The following WDR11 variants were observed in gnomAD, a reference collection of about 807,000 sequenced individuals.
The protein encoded by WDR11 is WD repeat-containing protein 11.
Under a neutral mutation model 151.2 loss-of-function variants are expected in WDR11, and 83 were observed. The observed-to-expected ratio is 0.55, with a 90% CI of 0.46 to 0.66. The LOEUF (loss-of-function observed/expected upper bound fraction) is 0.66. Among genes scored for constraint, WDR11 ranks in the 30% least tolerant of loss-of-function variants. The probability of loss-of-function intolerance (pLI) is 0.00; values close to 1 mark genes in which losing one functional copy is unlikely to be tolerated. For missense variants in WDR11, 1,301 were observed against 1,480.9 expected (o/e 0.88, Z 1.99); for synonymous variants, 484 against 533.1 (o/e 0.91, Z 1.27).
intron 2 of WDR11, among the ~76,000 whole-genome samples, chr10:120,856,452 G>A (rs1845948260): frequency 6.6e-6 from 1 of 151,658 alleles, no homozygotes; most frequent in Non-Finnish European, 1.5e-5. Flanking sequence ...GTACACACCT[G>A]TAATCCCAGC....
At chr10:120,874,187 TTTTTTG>T (rs1372606772) in intron 11 of WDR11, among the ~76,000 whole-genome samples, 730 of 59,372 alleles carry the variant, frequency 0.012, 10 homozygotes, top group Middle Eastern at 0.037. Context: ...TTTTTTTTTT[TTTTTTG>T]TTGTTGTTGT....
At chr10:120,902,604 A>G (rs1387679334) in intron 22 of WDR11, among the ~76,000 whole-genome samples, 1 of 151,420 alleles carries the variant, frequency 6.6e-6, no homozygotes, top group East Asian at 1.9e-4. Flanking sequence ...AAATATACCA[A>G]TAAATTATAT....
intron 5 of WDR11, among the ~76,000 whole-genome samples, 185 bp downstream of exon 5, chr10:120,863,106 T>C (rs1846194817): frequency 6.6e-6 from 1 of 152,212 alleles, no homozygotes; most frequent in African/African-American, 2.4e-5. Context: ...GCATTTAACA[T>C]TGCCTTTGTT....
chr10:120,857,335 C>T (rs1845983177), intron 2 of WDR11, among the ~76,000 whole-genome samples: 3 of 152,140 alleles, frequency 2.0e-5, no homozygotes, highest in Non-Finnish European at 2.9e-5. Flanking sequence ...CACCATTCTG[C>T]ACTTGTCCAC....
intron 2 of WDR11, among the ~76,000 whole-genome samples, chr10:120,855,888 A>G (rs998790174): frequency 2.6e-5 from 4 of 152,152 alleles, no homozygotes; most frequent in Non-Finnish European, 4.4e-5. Flanking sequence ...CTCTACTACA[A>G]TGAATGGGAG....
Position 120,866,778 on chromosome 10 carries a change from C to T in WDR11, c.1190+14C>T, listed in dbSNP as rs755116462. On this transcript the variant is annotated intron_variant, in intron 8 of 28. Transcript: ENST00000263461. ...TTCACGGAACAGGTAAATGAATCAACAGGATCATGGTTTTGTTTTTTGTTT... is the reference window on the plus strand; with the variant it reads ...TTCACGGAACAGGTAAATGAATCAATAGGATCATGGTTTTGTTTTTTGTTT... 54 of 1,613,854 alleles carry T rather than the reference C, an allele frequency of 3.3e-5. No individual in the cohort carries two copies. Among genetic ancestry groups the T allele is most frequent in the Non-Finnish European group, 8.5e-6 (10 of 1,179,916 alleles).
At chr10:120,866,785 A>G (rs1470775124) in intron 8 of WDR11, 21 bp downstream of exon 8, 1 of 1,613,592 alleles carries the variant, frequency 6.2e-7, no homozygotes, top group Non-Finnish European at 8.5e-7. Context: ...CAACAGGATC[A>G]TGGTTTTGTT....
At chr10:120,884,659 T>C (rs932581927) in intron 14 of WDR11, among the ~76,000 whole-genome samples, 1 of 151,988 alleles carries the variant, frequency 6.6e-6, no homozygotes, top group Non-Finnish European at 1.5e-5. Flanking sequence ...TGCTTTTTGT[T>C]TGATGAAGAT....
chr10:120,855,971 G>A (rs997205300), intron 2 of WDR11: 2 of 152,188 alleles, frequency 1.3e-5, no homozygotes, highest in East Asian at 1.9e-4. Flanking sequence ...CAAGTCTGAT[G>A]TAAGGTATAG....
intron 2 of WDR11, among the ~76,000 whole-genome samples, chr10:120,857,676 T>C (rs1319060856): frequency 6.6e-6 from 1 of 152,218 alleles, no homozygotes; most frequent in Non-Finnish European, 1.5e-5. Context: ...TTGGTTGGCT[T>C]ACTTTCCTAC....
intron 13 of WDR11, among the ~76,000 whole-genome samples, chr10:120,882,207 A>C (rs1326567707): frequency 6.6e-6 from 1 of 152,070 alleles, no homozygotes; most frequent in Non-Finnish European, 1.5e-5. Flanking sequence ...ACATTCCCGG[A>C]ATAAACTCTA....
rs143300008 is a variant in WDR11, at chr10:120,886,776, A to G, written c.2061A>G (p.Gln687=). Residue 687 remains glutamine (Q), a synonymous_variant, in exon 16 of 29, where the codon CAA becomes CAG. Transcript: ENST00000263461. ...EHFVFTDIDG[Q]VYHLTVEGNS... ...TTGTATTTACCGATATTGATGGCCA[A>G]GTGTATCATCTCACTGTTGAAGGAA... 1.1e-5 allele frequency: 18 copies of G among 1,613,958 alleles called. No homozygotes were observed. The highest frequency in any genetic ancestry group is 1.4e-5 in the Non-Finnish European group (17 of 1,179,988).
intron 19 of WDR11, among the ~76,000 whole-genome samples, chr10:120,898,411 A>G (rs569114020): frequency 1.3e-5 from 2 of 152,348 alleles, no homozygotes; most frequent in Non-Finnish European, 2.9e-5. Flanking sequence ...TCACTTTTTA[A>G]GTTTAAATTA....
intron 19 of WDR11, among the ~76,000 whole-genome samples, chr10:120,891,913 AC>A (rs1316358639): frequency 1.3e-5 from 2 of 152,168 alleles, no homozygotes; most frequent in Non-Finnish European, 2.9e-5. Flanking sequence ...TTCAAGACCT[AC>A]ATTCCCATGT....
Position 120,873,827 on chromosome 10 carries a change from T to C in WDR11, c.1472-12T>C. The C allele has an allele frequency of 6.3e-7, 1 of 1,597,786 alleles. No individual in the cohort carries two copies. The highest frequency in any genetic ancestry group is 1.1e-5 in the South Asian group (1 of 90,760). ...ACTGAATTAATGCTCTTCCATGATG[T>C]CATTTTGAAAGGTACAAGTAATGGT... On this transcript the variant is annotated splice_polypyrimidine_tract_variant and intron_variant, in intron 10 of 28. Transcript: ENST00000263461.
intron 3 of WDR11, among the ~76,000 whole-genome samples, chr10:120,859,299 G>A (rs1027989682): frequency 2.9e-5 from 4 of 139,786 alleles, no homozygotes; most frequent in East Asian, 2.1e-4. Flanking sequence ...ATGGAGTGTC[G>A]CTCTGTTGCC....
chr10:120,851,772 C>G (rs568817037), intron 1 of WDR11: 3 of 558,308 alleles, frequency 5.4e-6, no homozygotes, highest in Non-Finnish European at 9.7e-6. Context: ...GCCCTTTTGC[C>G]GTTCCATTCC....
chr10:120,904,987 T>C (rs2133816522), intron 25 of WDR11, among the ~76,000 whole-genome samples, 176 bp downstream of exon 25: 1 of 152,324 alleles, frequency 6.6e-6, no homozygotes, highest in South Asian at 2.1e-4. Flanking sequence ...ATTAATTGTT[T>C]ACACTTTTCA....
intron 17 of WDR11, chr10:120,889,664 G>T: frequency 1.8e-6 from 1 of 542,664 alleles, no homozygotes; most frequent in South Asian, 2.0e-5. Flanking sequence ...GATGGGCCTT[G>T]AGCCAAGCAT....
Sources: gnomAD v4.1 joint callset for allele counts (sites outside exome capture counted in the v4.1 genomes callset) on GRCh38, gnomAD v4.1.1 for gene constraint, MANE v1.5 for transcripts, NCBI Gene and HGNC (gene_info 2026-07-23, HGNC 2026-07-21) for gene names.